TM4SF4: variants seen among roughly 807,000 people sequenced by gnomAD.
TM4SF4 encodes the protein transmembrane 4 L6 family member 4.
A neutral mutation model predicts 24.1 loss-of-function variants in TM4SF4; 24 were observed. That is an observed-to-expected ratio of 1.00 (90% CI 0.72 to 1.40). The LOEUF is 1.40. Ranked by LOEUF, TM4SF4 falls within the 40% of genes most tolerant of loss-of-function variation. The pLI is 0.00. For synonymous variants in TM4SF4, 113 were observed against 97.0 expected (o/e 1.17, Z -0.97); for missense variants, 254 against 254.2 (o/e 1.00, Z 0.01).
At chr3:149,498,655 A>T in intron 3 of TM4SF4, 67 bp from the exon 4 acceptor site, 1 of 1,430,592 alleles carries the variant, frequency 7.0e-7, no homozygotes, top group South Asian at 1.2e-5. Context: ...TTGTTATGGT[A>T]ACTTTCTAGT....
chr3:149,480,946 C>T (rs905316899), intron 2 of TM4SF4, among the ~76,000 whole-genome samples: 2 of 152,026 alleles, frequency 1.3e-5, no homozygotes, highest in Admixed American at 6.6e-5. Context: ...CTGCAACCTC[C>T]GCCTCCTGGA....
chr3:149,480,114 T>G (rs1317528303), intron 2 of TM4SF4, among the ~76,000 whole-genome samples: 1 of 144,968 alleles, frequency 6.9e-6, no homozygotes, highest in Non-Finnish European at 1.5e-5. Flanking sequence ...CCGGGAAAAG[T>G]GAGCCCTGGA....
intron 2 of TM4SF4, among the ~76,000 whole-genome samples, chr3:149,487,127 C>T (rs187755528): frequency 4.9e-4 from 74 of 152,224 alleles, no homozygotes; most frequent in African/African-American, 1.6e-3. Context: ...TGGTGGCGCA[C>T]GCCTGTAACC....
intron 2 of TM4SF4, among the ~76,000 whole-genome samples, chr3:149,479,873 T>C (rs1203310745): frequency 6.6e-6 from 1 of 152,214 alleles, no homozygotes; most frequent in African/African-American, 2.4e-5. Context: ...AGAGGCCAAC[T>C]GCACCATTCT....
At chr3:149,481,657 GAC>G (rs1007485049) in intron 2 of TM4SF4, among the ~76,000 whole-genome samples, 1 of 152,138 alleles carries the variant, frequency 6.6e-6, no homozygotes, top group African/African-American at 2.4e-5. Flanking sequence ...ATGACCCCAG[GAC>G]ACACCATGTG....
At chr3:149,487,514 A>G (rs552615217) in intron 2 of TM4SF4, 105 bp from the exon 3 acceptor site, 2 of 1,428,464 alleles carry the variant, frequency 1.4e-6, no homozygotes, top group Non-Finnish European at 9.7e-7. Context: ...CTCCTACTCC[A>G]TAACTTCTTG....
intron 3 of TM4SF4, among the ~76,000 whole-genome samples, chr3:149,496,216 T>C (rs1034038302): frequency 2.0e-5 from 3 of 152,080 alleles, no homozygotes; most frequent in Non-Finnish European, 4.4e-5. Flanking sequence ...CTAGGTTGTT[T>C]GTTTGTTTTT....
At chr3:149,482,701 C>T (rs2107868409) in intron 2 of TM4SF4, among the ~76,000 whole-genome samples, 1 of 152,168 alleles carries the variant, frequency 6.6e-6, no homozygotes, top group Non-Finnish European at 1.5e-5. Context: ...ACACCACCAC[C>T]CCTCACTAAT....
chr3:149,478,756 T>A (rs1174480292), intron 2 of TM4SF4, among the ~76,000 whole-genome samples: 6 of 152,104 alleles, frequency 3.9e-5, no homozygotes, highest in African/African-American at 1.4e-4. Flanking sequence ...GATTTTTTTG[T>A]TTTGTTCTAT....
intron 3 of TM4SF4, among the ~76,000 whole-genome samples, chr3:149,492,712 C>T (rs1734233916): frequency 6.6e-6 from 1 of 152,186 alleles, no homozygotes; most frequent in South Asian, 2.1e-4. Context: ...GTGGTTCAGA[C>T]ACCGAGACAC....
At chr3:149,497,653 T>C (rs1304221392) in intron 3 of TM4SF4, among the ~76,000 whole-genome samples, 1 of 152,210 alleles carries the variant, frequency 6.6e-6, no homozygotes, top group East Asian at 1.9e-4. Flanking sequence ...CCCTTTATTT[T>C]TATTTTTTGA....
intron 2 of TM4SF4, among the ~76,000 whole-genome samples, chr3:149,479,481 G>A (rs374099522): frequency 2.6e-5 from 4 of 151,752 alleles, no homozygotes; most frequent in African/African-American, 7.3e-5. Flanking sequence ...TGAGTAGCTG[G>A]TGCTACAGGT....
At chr3:149,496,558 C>T (rs369945712) in intron 3 of TM4SF4, among the ~76,000 whole-genome samples, 9 of 152,212 alleles carry the variant, frequency 5.9e-5, no homozygotes, top group African/African-American at 1.9e-4. Context: ...CACCCGAGGT[C>T]GGGAGTTCGA....
In TM4SF4 at chr3:149,500,076, C is replaced by T. The variant is rs147500229; in HGVS notation, c.591+1165C>T. On this transcript the variant is annotated intron_variant, in intron 4 of 4. Coordinates refer to ENST00000305354, the MANE Select transcript of TM4SF4 (RefSeq NM_004617.4). ...TAAGGTTACCTAATTTCTTATATAG[C>T]TTGTCACAGTATCTCTTTTTATTAT... Among the ~76,000 whole-genome samples, 20 of 152,210 alleles carry T rather than the reference C, an allele frequency of 1.3e-4. No homozygotes were observed. The East Asian group carries it at 3.9e-3, about 29-fold the overall frequency.
intron 3 of TM4SF4, among the ~76,000 whole-genome samples, chr3:149,488,537 C>T (rs1274810295): frequency 3.9e-5 from 6 of 152,294 alleles, no homozygotes; most frequent in African/African-American, 1.4e-4. Context: ...AGTCCAGTAG[C>T]CAGCAGCCAT....
intron 4 of TM4SF4, among the ~76,000 whole-genome samples, chr3:149,499,754 A>G (rs1734382496): frequency 6.6e-6 from 1 of 152,194 alleles, no homozygotes; most frequent in Non-Finnish European, 1.5e-5. Context: ...ACATGCCTGT[A>G]GCTCCAGCTA....
intron 3 of TM4SF4, chr3:149,494,582 A>G (rs1043455717): frequency 3.3e-5 from 2 of 60,232 alleles, no homozygotes; most frequent in Non-Finnish European, 1.1e-4. Context: ...TTCATGTTGG[A>G]AAAAAAAAGG....
At chr3:149,498,031 C>T (rs58165326) in intron 3 of TM4SF4, among the ~76,000 whole-genome samples, 13,054 of 152,192 alleles carry the variant, frequency 0.086, 1,106 homozygotes, top group East Asian at 0.43. Context: ...TTATGTAAAA[C>T]ATGTATTAAG....
intron 1 of TM4SF4, among the ~76,000 whole-genome samples, chr3:149,475,288 T>A (rs1733908213): frequency 1.3e-5 from 2 of 152,170 alleles, no homozygotes; most frequent in African/African-American, 4.8e-5. Context: ...TTCTCATGGG[T>A]CATTTGAGTC....
Sources: allele counts gnomAD v4.1 joint callset (sites outside exome capture counted in the v4.1 genomes callset), GRCh38; gene constraint gnomAD v4.1.1; transcripts MANE v1.5; gene names NCBI Gene and HGNC (gene_info 2026-07-23, HGNC 2026-07-21).